Variants in LRRFIP1 observed in about 807,000 individuals in gnomAD.
The protein encoded by LRRFIP1 is LRR binding FLII interacting protein 1.
In LRRFIP1, 62 loss-of-function variants were observed where a neutral mutation model predicts 104.4. The ratio of observed to expected loss-of-function variants is 0.59; its 90% CI spans 0.48 to 0.73. The LOEUF is 0.73. Ranked by LOEUF, LRRFIP1 falls within the 30% of genes least tolerant of loss-of-function variation. The pLI, the probability that LRRFIP1 is intolerant of heterozygous loss-of-function variation, is 0.00. For missense variants in LRRFIP1, 796 were observed against 824.5 expected (o/e 0.97, Z 0.42); for synonymous variants, 300 against 299.0 (o/e 1.00, Z -0.03).
At chr2:237,669,264 G>A (rs1027983831) in intron 1 of LRRFIP1, among the ~76,000 whole-genome samples, 31 of 152,126 alleles carry the variant, frequency 2.0e-4, no homozygotes, top group African/African-American at 5.6e-4. Context: ...CTACAAACAC[G>A]GTTAAGGACC....
intron 1 of LRRFIP1, chr2:237,692,296 G>T (rs1245748680): frequency 1.7e-6 from 2 of 1,196,294 alleles, no homozygotes; most frequent in Non-Finnish European, 2.1e-6. Context: ...GCCGCTCCCC[G>T]GCGGGCTGGC....
In LRRFIP1 at chr2:237,691,313, T is replaced by A. The variant is rs1401682609; in HGVS notation, c.97-17231T>A. Among the ~76,000 whole-genome samples, 1 of 152,192 alleles carries A rather than the reference T, an allele frequency of 6.6e-6. No individual in the cohort carries two copies. Among genetic ancestry groups the A allele is most frequent in the Non-Finnish European group, 1.5e-5 (1 of 68,018 alleles). On this transcript the variant is annotated intron_variant, in intron 1 of 23. Transcript: ENST00000308482. This position sits in a 1 kb window ranked among gnomAD's most constrained non-coding sequence, Gnocchi z 5.4. ...TTCATTGGGAGTTACGAGGGCGCCC[T>A]GTGCCTGGAGGTGGCGCGGGCTGGA...
intron 1 of LRRFIP1, among the ~76,000 whole-genome samples, chr2:237,682,894 A>C (rs112582391): frequency 6.6e-6 from 1 of 152,244 alleles, no homozygotes; most frequent in East Asian, 1.9e-4. Flanking sequence ...ATCCAGCTGT[A>C]TAAGCTGAGA....
intron 20 of LRRFIP1, chr2:237,770,294 T>C (rs1344501617): frequency 3.3e-6 from 1 of 300,062 alleles, no homozygotes; most frequent in Non-Finnish European, 6.4e-6. Context: ...ATGTTGATTA[T>C]TAATAATATT....
chr2:237,744,822 G>A (rs959461990), intron 11 of LRRFIP1, among the ~76,000 whole-genome samples: 6 of 152,260 alleles, frequency 3.9e-5, no homozygotes, highest in Non-Finnish European at 7.3e-5. Flanking sequence ...CGGCGCTGTC[G>A]CCCTTCCCGT....
intron 1 of LRRFIP1, among the ~76,000 whole-genome samples, chr2:237,653,788 G>C (rs2086333737): frequency 6.6e-6 from 1 of 152,194 alleles, no homozygotes; most frequent in African/African-American, 2.4e-5. Flanking sequence ...TGATGTTGGG[G>C]AAAACTGTCC....
At position 237,764,793 on chromosome 2, in the gene LRRFIP1, A is replaced by G. The variant is rs10170505; in HGVS notation, c.1459+4588A>G. 0.01 allele frequency: 10,298 copies of G among 985,808 alleles called. 616 individuals carry two copies. The African/African-American group carries it at 0.14, about 13-fold the overall frequency. The allele number at this position is 985,808 out of a possible 1,614,324, so 61.1% of individuals were successfully genotyped here. On this transcript the variant is annotated intron_variant, in intron 19 of 23. Coordinates refer to ENST00000308482, the MANE Select transcript of LRRFIP1 (RefSeq NM_001137550.2). ...TATGAGTCTTTGATCTTGAACCGATACTTTTGGATCTCATTGTTGATATAC... is the reference window on the plus strand; with the variant it reads ...TATGAGTCTTTGATCTTGAACCGATGCTTTTGGATCTCATTGTTGATATAC...
chr2:237,708,798 G>A (rs1167191486), intron 2 of LRRFIP1, 168 bp downstream of exon 2: 13 of 773,586 alleles, frequency 1.7e-5, no homozygotes, highest in Middle Eastern at 4.5e-4. Context: ...CCAGGAGTGC[G>A]CATAGCACGG....
intron 1 of LRRFIP1, chr2:237,683,296 G>C (rs1466293367): frequency 1.3e-5 from 2 of 152,292 alleles, no homozygotes; most frequent in African/African-American, 4.8e-5. Context: ...GTGCGTTTAG[G>C]GGACCACGCC....
intron 1 of LRRFIP1, among the ~76,000 whole-genome samples, chr2:237,681,094 A>G (rs12995157): frequency 0.8 from 121,125 of 152,196 alleles, 48,331 homozygotes; most frequent in Middle Eastern, 0.86. Flanking sequence ...TAACAGGGGT[A>G]GTTTTCAACT....
chr2:237,722,847 C>T (rs78271152), intron 6 of LRRFIP1, among the ~76,000 whole-genome samples: 1,711 of 152,242 alleles, frequency 0.011, 25 homozygotes, highest in African/African-American at 0.038. Flanking sequence ...GTCCTCCGTG[C>T]GCTGGGTTCC....
intron 1 of LRRFIP1, among the ~76,000 whole-genome samples, chr2:237,689,412 A>C (rs1260413172): frequency 6.6e-6 from 1 of 152,176 alleles, no homozygotes; most frequent in East Asian, 1.9e-4. Flanking sequence ...TCTCATCTAG[A>C]AGGGTGTCAG....
intron 1 of LRRFIP1, among the ~76,000 whole-genome samples, chr2:237,687,688 A>G (rs139983186): frequency 6.6e-6 from 1 of 152,194 alleles, no homozygotes; most frequent in East Asian, 1.9e-4. Flanking sequence ...TAATTTACTG[A>G]CATTTATTCT....
chr2:237,703,692 A>G lies in LRRFIP1; in HGVS notation c.97-4852A>G, dbSNP rs1317781536. ...GCCCCTGCCACACGTTTCTTCCCCCATGTGGTCCTCATCACATGTACATTG... is the reference window on the plus strand; with the variant it reads ...GCCCCTGCCACACGTTTCTTCCCCCGTGTGGTCCTCATCACATGTACATTG... On this transcript the variant is annotated intron_variant, in intron 1 of 23. Coordinates refer to ENST00000308482, the MANE Select transcript of LRRFIP1 (RefSeq NM_001137550.2). This position sits in a 1 kb window ranked among gnomAD's most constrained non-coding sequence, Gnocchi z 4.3. Among the ~76,000 whole-genome samples the G allele has an allele frequency of 6.6e-6, 1 of 151,600 alleles. No individual in the cohort carries two copies. Among genetic ancestry groups the G allele is most frequent in the East Asian group, 1.9e-4 (1 of 5,140 alleles).
rs1042338989 is a variant in LRRFIP1 at position 237,735,478 on chromosome 2, T to G, written c.555+145T>G. 1 of 664,652 alleles carries G rather than the reference T, an allele frequency of 1.5e-6. No homozygotes were observed. The highest frequency in any genetic ancestry group is 2.5e-6 in the Non-Finnish European group (1 of 401,306). 41.2% of individuals were successfully genotyped at this position (664,652 alleles called of 1,614,324 possible). A position where few individuals can be genotyped will look rare whatever the true frequency, so the allele number is the denominator to read the frequency against. On this transcript the variant is annotated intron_variant, in intron 10 of 23. Coordinates refer to ENST00000308482, the MANE Select transcript of LRRFIP1 (RefSeq NM_001137550.2). This position sits in a 1 kb window ranked among gnomAD's most constrained non-coding sequence, Gnocchi z 4.6. ...CACCGGGCTAACCGCCACCTTCCAT[T>G]GTAATGAAGGTCACAAATAATGTGA...
intron 6 of LRRFIP1, chr2:237,722,251 A>C (rs2094562065): frequency 1.3e-5 from 2 of 152,190 alleles, no homozygotes; most frequent in African/African-American, 4.8e-5. Flanking sequence ...AGAGGCACAG[A>C]ATCCCAAACT....
chr2:237,718,988 T>C (rs1423090228), intron 4 of LRRFIP1, among the ~76,000 whole-genome samples: 1 of 152,102 alleles, frequency 6.6e-6, no homozygotes, highest in African/African-American at 2.4e-5. Flanking sequence ...TGTATCATTG[T>C]TTTATATACC....
chr2:237,723,573 G>C lies in LRRFIP1; in HGVS notation c.371G>C (p.Gly124Ala). The change falls in exon 7 of 24, where the codon GGT (glycine) becomes GCT (alanine). Residue 124 changes from glycine (G) to alanine (A), a missense_variant. Gly to Ala is a moderately conservative substitution (Grantham distance 60). Coordinates refer to ENST00000308482, the MANE Select transcript of LRRFIP1 (RefSeq NM_001137550.2). Reference sequence around the variant, plus strand: ...TCGCAGCCTGACTTGGAGTATGGGGGTCCTTACGCCTGGGTGAGATGGTCG... The same window carrying C: ...TCGCAGCCTGACTTGGAGTATGGGGCTCCTTACGCCTGGGTGAGATGGTCG... ...LRSQPDLEYG[G>A]PYAWTNGYDG... is the part of the protein sequence containing the mutation. The C allele has an allele frequency of 6.2e-7, 1 of 1,613,964 alleles. No individual in the cohort carries two copies. Among genetic ancestry groups the C allele is most frequent in the Non-Finnish European group, 8.5e-7 (1 of 1,179,868 alleles).
rs151161040 is a variant in LRRFIP1 at position 237,743,396 on chromosome 2, A to G, written c.633+4087A>G. ...AATGAAAATGCTTCAGTGTCCAGAG[A>G]CCACCACCAGGGACAAGACTTCAAG... On this transcript the variant is annotated intron_variant, in intron 11 of 23. Transcript: ENST00000308482. 3.9e-5 allele frequency among the ~76,000 whole-genome samples: 6 copies of G among 152,216 alleles called. No individual in the cohort carries two copies. The East Asian group carries it at 9.7e-4, about 25-fold the overall frequency.
Sources: allele counts gnomAD v4.1 joint callset (sites outside exome capture counted in the v4.1 genomes callset), GRCh38; gene constraint gnomAD v4.1.1; non-coding constraint Gnocchi (gnomAD v3.1); transcripts MANE v1.5; gene names NCBI Gene and HGNC (gene_info 2026-07-23, HGNC 2026-07-21).